The following DACH2 variants were observed in gnomAD, a reference collection of about 807,000 sequenced individuals.
The protein encoded by DACH2 is dachshund homolog 2.
DACH2 carries 17 observed loss-of-function variants against 35.8 expected under a neutral mutation model. The ratio of observed to expected loss-of-function variants is 0.48; its 90% CI spans 0.33 to 0.71. The LOEUF (loss-of-function observed/expected upper bound fraction) is 0.71. DACH2 is among the 30% of genes least tolerant of loss of function. DACH2 has a pLI of 0.02. For missense variants in DACH2, 469 were observed against 472.7 expected (o/e 0.99, Z 0.07); for synonymous variants, 195 against 177.3 (o/e 1.10, Z -0.79).
intron 1 of DACH2, among the ~76,000 whole-genome samples, chrX:86,309,909 A>T (rs150294831): frequency 3.6e-5 from 4 of 112,368 alleles, no homozygotes; most frequent in Admixed American, 9.4e-5. Flanking sequence ...CAACAGGTCC[A>T]GGCTGCTGTG....
intron 2 of DACH2, among the ~76,000 whole-genome samples, chrX:86,442,715 T>A (rs1194535365): frequency 1.8e-5 from 2 of 111,032 alleles, no homozygotes; most frequent in Admixed American, 9.7e-5. Flanking sequence ...CCATTTCCAG[T>A]TGATTTTTGT....
intron 1 of DACH2, among the ~76,000 whole-genome samples, chrX:86,368,811 G>T (rs2035843493): frequency 1.8e-5 from 2 of 110,805 alleles, no homozygotes; most frequent in African/African-American, 6.5e-5. Flanking sequence ...GATTACGGAT[G>T]TAAGCCACTA....
At chrX:86,283,502 G>C in intron 1 of DACH2, among the ~76,000 whole-genome samples, 1 of 111,229 alleles carries the variant, frequency 9.0e-6, no homozygotes, top group South Asian at 3.8e-4. Flanking sequence ...TAATAGAATG[G>C]ATACAGAAAA....
chrX:86,688,450 A>G (rs1037604912), intron 4 of DACH2, among the ~76,000 whole-genome samples: 1 of 111,764 alleles, frequency 8.9e-6, no homozygotes, highest in Non-Finnish European at 1.9e-5. Context: ...ACCCAGTGTA[A>G]AGTCAATTCC....
chrX:86,441,867 G>GTATA (rs1386061925), intron 2 of DACH2, among the ~76,000 whole-genome samples: 2 of 94,881 alleles, frequency 2.1e-5, no homozygotes, highest in African/African-American at 8.5e-5. Flanking sequence ...GTGTGTGTGT[G>GTATA]TGTATATATA....
chrX:86,697,419 A>G (rs1200557250), intron 5 of DACH2, among the ~76,000 whole-genome samples: 1 of 111,124 alleles, frequency 9.0e-6, no homozygotes, highest in African/African-American at 3.3e-5. Context: ...ACCTATCACC[A>G]AAGGCCTATT....
chrX:86,530,260 G>A (rs1240007474), intron 3 of DACH2, among the ~76,000 whole-genome samples: 1 of 111,633 alleles, frequency 9.0e-6, no homozygotes, highest in Non-Finnish European at 1.9e-5. Context: ...TAGGCTGAAA[G>A]GGAGAGGGAA....
At chrX:86,253,929 TTGA>T (rs1202820111) in intron 1 of DACH2, among the ~76,000 whole-genome samples, 1 of 112,146 alleles carries the variant, frequency 8.9e-6, no homozygotes, top group Non-Finnish European at 1.9e-5. Flanking sequence ...GACACATTGG[TTGA>T]TAAGCTTCTA....
Position 86,254,803 on chromosome X carries a change from T to G in DACH2, c.488+105695T>G, listed in dbSNP as rs867182379. Among the ~76,000 whole-genome samples, 42 of 65,133 alleles carry G rather than the reference T, an allele frequency of 6.4e-4. No homozygotes were observed. In the East Asian group the frequency reaches 1.0e-2, roughly 15 times the overall value. 56.6% of individuals were successfully genotyped at this position (65,133 alleles called of 115,157 possible). A position where few individuals can be genotyped will look rare whatever the true frequency, so the allele number is the denominator to read the frequency against. On this transcript the variant is annotated intron_variant, in intron 1 of 11. Transcript: ENST00000373125. Reference sequence around the variant, plus strand: ...ATAAATATATATATATATATATATATATATAGAGAGAGAGAGAGAGAGAGA... The same window carrying G: ...ATAAATATATATATATATATATATAGATATAGAGAGAGAGAGAGAGAGAGA...
rs192528421 is a variant in DACH2, at chrX:86,195,664, G to A, written c.488+46556G>A. Among the ~76,000 whole-genome samples the A allele has an allele frequency of 4.8e-3, 532 of 111,828 alleles. 2 individuals are homozygous for A. Among genetic ancestry groups the A allele is most frequent in the Non-Finnish European group, 8.6e-3 (457 of 53,123 alleles). On this transcript the variant is annotated intron_variant, in intron 1 of 11. Transcript: ENST00000373125. ...TCCCTTTGTCACAACACTATAAAAT[G>A]CTTTGGCCAGCACCACCCTTTGGAG...
chrX:86,582,793 G>A (rs967067424), intron 3 of DACH2, among the ~76,000 whole-genome samples: 1 of 109,964 alleles, frequency 9.1e-6, no homozygotes, highest in Non-Finnish European at 1.9e-5. Context: ...GTAAAGAAGA[G>A]CGGGTACCAT....
chrX:86,359,768 A>G lies in DACH2; in HGVS notation c.489-17056A>G, dbSNP rs1208763653. Among the ~76,000 whole-genome samples, 18 of 111,458 alleles carry G rather than the reference A, an allele frequency of 1.6e-4. No individual in the cohort carries two copies. In the Admixed American group the frequency reaches 1.7e-3, roughly 11 times the overall value. ...GTCTCAGTTAAAAAAACAAAAACAA[A>G]AAAAGAAAACTAAGAGAAAGCTAAG... On this transcript the variant is annotated intron_variant, in intron 1 of 11. Transcript: ENST00000373125.
At chrX:86,291,490 C>G (rs1435325739) in intron 1 of DACH2, among the ~76,000 whole-genome samples, 1 of 104,654 alleles carries the variant, frequency 9.6e-6, no homozygotes, top group Non-Finnish European at 1.9e-5. Flanking sequence ...AGAGGGCATC[C>G]CTGTCTTGTG....
At chrX:86,721,945 G>C (rs943884791) in intron 6 of DACH2, among the ~76,000 whole-genome samples, 3 of 110,776 alleles carry the variant, frequency 2.7e-5, no homozygotes, top group Non-Finnish European at 3.8e-5. Flanking sequence ...ACAGCATGGG[G>C]GAAACCACCC....
At chrX:86,366,625 T>C (rs778062836) in intron 1 of DACH2, among the ~76,000 whole-genome samples, 16 of 110,895 alleles carry the variant, frequency 1.4e-4, no homozygotes, top group Non-Finnish European at 2.5e-4. Flanking sequence ...GTTTGGATGT[T>C]TGTCCCCTCC....
At chrX:86,684,229 A>G (rs2040915863) in intron 4 of DACH2, among the ~76,000 whole-genome samples, 1 of 112,009 alleles carries the variant, frequency 8.9e-6, no homozygotes, top group Non-Finnish European at 1.9e-5. Context: ...TAGAGACTGC[A>G]TTATGGTTTC....
chrX:86,191,836 G>A (rs1319221570), intron 1 of DACH2, among the ~76,000 whole-genome samples: 1 of 110,533 alleles, frequency 9.0e-6, no homozygotes, highest in Non-Finnish European at 1.9e-5. Context: ...AGCCACTTGG[G>A]AAGCTGAGGC....
At chrX:86,256,660 T>C (rs1418913803) in intron 1 of DACH2, among the ~76,000 whole-genome samples, 1 of 112,111 alleles carries the variant, frequency 8.9e-6, no homozygotes, top group Non-Finnish European at 1.9e-5. Context: ...TGTTTTTGCT[T>C]GTTTGTTTTT....
intron 1 of DACH2, among the ~76,000 whole-genome samples, chrX:86,182,160 C>A (rs932636933): frequency 8.9e-6 from 1 of 111,866 alleles, no homozygotes; most frequent in East Asian, 2.8e-4. Flanking sequence ...ATGATCATTT[C>A]TTTGGCTGTG....
Sources: gnomAD v4.1 joint callset for allele counts (sites outside exome capture counted in the v4.1 genomes callset) on GRCh38, gnomAD v4.1.1 for gene constraint, MANE v1.5 for transcripts, NCBI Gene and HGNC (gene_info 2026-07-23, HGNC 2026-07-21) for gene names.